Variants in CDHR2 observed in about 807,000 individuals in gnomAD.
The protein encoded by CDHR2 is cadherin related family member 2, also known as cadherin-related family member 2.
Under a neutral mutation model 138.6 loss-of-function variants are expected in CDHR2, and 104 were observed. The observed-to-expected ratio is 0.75, with a 90% CI of 0.64 to 0.88. The LOEUF is 0.88. Among genes scored for constraint, CDHR2 ranks in the 40% least tolerant of loss-of-function variants. The pLI, the probability that CDHR2 is intolerant of heterozygous loss-of-function variation, is 0.00. For synonymous variants in CDHR2, 755 were observed against 742.8 expected (o/e 1.02, Z -0.27); for missense variants, 1,624 against 1,727.6 (o/e 0.94, Z 1.06).
intron 3 of CDHR2, 101 bp downstream of exon 3, chr5:176,565,844 T>G: frequency 1.2e-6 from 1 of 830,344 alleles, no homozygotes; most frequent in Non-Finnish European, 2.0e-6. Flanking sequence ...ACTCCATGGC[T>G]TATTGTGGGA....
In CDHR2 at chr5:176,553,350, G is replaced by T. The variant is rs1252907405; in HGVS notation, c.-16+3936G>T. ...TGCTGAGGACTAAATGGTAATGGGG[G>T]CAAAGTGCTAGCCTCGGTACACGGC... On this transcript the variant is annotated intron_variant, in intron 1 of 31. Coordinates refer to ENST00000261944, the MANE Select transcript of CDHR2 (RefSeq NM_017675.6). The surrounding 1 kb of genome is among the most constrained non-coding windows in gnomAD (Gnocchi z 4.3). Among the ~76,000 whole-genome samples the T allele has an allele frequency of 6.6e-6, 1 of 152,154 alleles. No individual in the cohort carries two copies. The highest frequency in any genetic ancestry group is 1.9e-4 in the East Asian group (1 of 5,190).
intron 17 of CDHR2, among the ~76,000 whole-genome samples, chr5:176,583,664 G>C (rs921002484): frequency 6.6e-6 from 1 of 152,192 alleles, no homozygotes; most frequent in African/African-American, 2.4e-5. Context: ...GCAGGAGCAG[G>C]TCTAAGCTTC....
intron 15 of CDHR2, 34 bp from the exon 16 acceptor site, chr5:176,578,331 G>GTC (rs755509945): frequency 1.8e-5 from 29 of 1,587,406 alleles, no homozygotes; most frequent in Middle Eastern, 1.7e-4. Context: ...GGCATCCTGT[G>GTC]TCTCTATTTG....
At chr5:176,549,276 G>C (rs1233557757), upstream of CDHR2, 6 of 152,416 alleles carry the variant, frequency 3.9e-5, no homozygotes, top group Admixed American at 2.6e-4. Context: ...GTCTCTGGCA[G>C]GGTTAATGAT....
At chr5:176,561,285 C>G (rs1489497252) in intron 1 of CDHR2, among the ~76,000 whole-genome samples, 4 of 152,156 alleles carry the variant, frequency 2.6e-5, no homozygotes, top group African/African-American at 9.7e-5. Context: ...CCCAGGCTCT[C>G]AGGTCCACAT....
intron 16 of CDHR2, among the ~76,000 whole-genome samples, chr5:176,579,054 T>C (rs1191936657): frequency 6.6e-6 from 1 of 152,184 alleles, no homozygotes; most frequent in Non-Finnish European, 1.5e-5. Flanking sequence ...CTGAGCTTCA[T>C]GGTGGCCAAA....
At chr5:176,574,319 C>T (rs1442397928) in intron 7 of CDHR2, 147 bp downstream of exon 7, 7 of 641,072 alleles carry the variant, frequency 1.1e-5, no homozygotes, top group African/African-American at 1.8e-5. Context: ...TGGCCACCAG[C>T]CCCCCTCCCC....
rs755795124 is a variant in CDHR2, at chr5:176,571,235, T to C, written c.338T>C (p.Ile113Thr). Reference sequence around the variant, plus strand: ...CAGGTGCAGAGGGAGATGCTGGTGATTGTGGAAGATAGAAACGACAACGCA... The same window carrying C: ...CAGGTGCAGAGGGAGATGCTGGTGACTGTGGAAGATAGAAACGACAACGCA... Reference protein sequence around the residue: ...YIQVQREMLVIVEDRNDNAPV... With the variant: ...YIQVQREMLVTVEDRNDNAPV... The change falls in exon 6 of 32, where the codon ATT becomes ACT. Residue 113 changes from isoleucine to threonine, a missense_variant. By Grantham distance (89) the Ile-to-Thr change is moderately conservative. Around this residue, in one of 3 missense-constraint regions of CDHR2, gnomAD observed 1,061 missense variants for 1,136.6 expected, o/e 0.93. Transcript: ENST00000261944. 1 of 1,612,770 alleles carries C rather than the reference T, an allele frequency of 6.2e-7. No homozygotes were observed. Among genetic ancestry groups the C allele is most frequent in the South Asian group, 1.1e-5 (1 of 90,890 alleles).
chr5:176,592,697 C>G, intron 30 of CDHR2, 26 bp from the exon 31 acceptor site: 1 of 1,612,246 alleles, frequency 6.2e-7, no homozygotes, highest in African/African-American at 1.3e-5. Flanking sequence ...CCTGCCAACA[C>G]CTGAGCTCCA....
rs760224259 is a variant in CDHR2, at chr5:176,568,713, G to A, written c.160G>A (p.Asp54Asn). Residue 54 changes from aspartate (D) to asparagine (N), a missense_variant, in exon 4 of 32, where the codon GAC (aspartate) becomes AAC (asparagine). Transcript: ENST00000261944. ...CTTCTGGTTGGTAGCGGAAGACCAG[G>A]ACAATGACCCTCTGACCTATGGGAT... ...QAFWLVAEDQ[D>N]NDPLTYGMSG... 1.1e-5 allele frequency: 17 copies of A among 1,614,118 alleles called. No homozygotes were observed. In the East Asian group the frequency reaches 3.6e-4, roughly 34 times the overall value.
chr5:176,544,452 C>CT (rs1561861660), upstream of CDHR2, among the ~76,000 whole-genome samples: 1 of 2,086 alleles, frequency 4.8e-4, no homozygotes, highest in African/African-American at 8.7e-4. Flanking sequence ...TCTCTCTTTC[C>CT]TTTTTTTGAC....
intron 3 of CDHR2, among the ~76,000 whole-genome samples, chr5:176,566,322 G>A (rs918427277): frequency 6.6e-5 from 10 of 152,160 alleles, no homozygotes; most frequent in Non-Finnish European, 1.3e-4. Context: ...CAATGGTCAC[G>A]GCAAAAGTCA....
chr5:176,593,704 T>A (rs1439060537), intron 31 of CDHR2, among the ~76,000 whole-genome samples: 1 of 152,246 alleles, frequency 6.6e-6, no homozygotes, highest in Non-Finnish European at 1.5e-5. Flanking sequence ...CCCAGGCCAC[T>A]AGGGGCTCCC....
intron 21 of CDHR2, 107 bp from the exon 22 acceptor site, chr5:176,588,924 G>C (rs1581149793): frequency 8.8e-7 from 1 of 1,134,478 alleles, no homozygotes; most frequent in South Asian, 1.4e-5. Context: ...GGCGGATAGA[G>C]ACGGTGAGGG....
chr5:176,586,757 C>A, intron 20 of CDHR2, 36 bp from the exon 21 acceptor site: 1 of 1,577,754 alleles, frequency 6.3e-7, no homozygotes, highest in Non-Finnish European at 8.6e-7. Flanking sequence ...GGCAGTGTCC[C>A]GACCCCGCTG....
intron 1 of CDHR2, among the ~76,000 whole-genome samples, chr5:176,564,632 G>T (rs908322020): frequency 8.5e-5 from 13 of 152,078 alleles, no homozygotes; most frequent in Middle Eastern, 3.2e-3. Flanking sequence ...GTTTTCTAAG[G>T]TCTCTGTCTG....
intron 24 of CDHR2, among the ~76,000 whole-genome samples, 185 bp from the exon 25 acceptor site, chr5:176,589,893 C>T (rs180690745): frequency 1.3e-5 from 2 of 152,338 alleles, no homozygotes; most frequent in Admixed American, 6.5e-5. Context: ...CTAAGCTATT[C>T]ACCCAGCCCC....
chr5:176,575,700 C>T, intron 10 of CDHR2, 24 bp from the exon 11 acceptor site: 1 of 1,591,096 alleles, frequency 6.3e-7, no homozygotes, highest in Non-Finnish European at 8.6e-7. Context: ...GCTGTTCCAG[C>T]TGTTCCGCCT....
Position 176,584,780 on chromosome 5 carries a change from C to G in CDHR2, c.2499C>G (p.Ala833=). 2 of 1,614,186 alleles carry G rather than the reference C, an allele frequency of 1.2e-6. No homozygotes were observed. Among genetic ancestry groups the G allele is most frequent in the Admixed American group, 3.3e-5 (2 of 60,026 alleles). ...SQHGQVAVVV[A]SDVDTSAQLE... ...ACGGCCAGGTGGCTGTGGTGGTTGC[C>G]TCGGATGTGGACACCAGTGCCCAGC... Residue 833 remains alanine (A), a synonymous_variant, in exon 19 of 32, where the codon GCC becomes GCG. Coordinates refer to ENST00000261944, the MANE Select transcript of CDHR2 (RefSeq NM_017675.6).
Sources: gnomAD v4.1 joint callset for allele counts (sites outside exome capture counted in the v4.1 genomes callset) on GRCh38, gnomAD v4.1.1 for gene constraint, gnomAD v4.1.1 regional missense constraint, Gnocchi (gnomAD v3.1) non-coding constraint, MANE v1.5 for transcripts, NCBI Gene and HGNC (gene_info 2026-07-23, HGNC 2026-07-21) for gene names.